The following COL2A1 variants were observed in gnomAD, a reference collection of about 807,000 sequenced individuals.
COL2A1 encodes collagen type II alpha 1 chain.
A neutral mutation model predicts 204.5 loss-of-function variants in COL2A1; 28 were observed. The observed-to-expected ratio is 0.14, with a 90% CI of 0.10 to 0.19. The LOEUF is 0.19. Among genes scored for constraint, COL2A1 ranks in the 10% least tolerant of loss-of-function variants. The pLI, the probability that COL2A1 is intolerant of heterozygous loss-of-function variation, is 1.00. For missense variants in COL2A1, 1,388 were observed against 2,027.5 expected, an observed-to-expected ratio of 0.68 and a Z score of 6.06; for synonymous variants, 708 against 718.7, an observed-to-expected ratio of 0.99 and a Z score of 0.24.
rs778126850 is a variant in COL2A1, at chr12:47,987,723, G to A, written c.1123-14C>T. The A allele has an allele frequency of 2.5e-6, 4 of 1,600,112 alleles. No homozygotes were observed. The highest frequency in any genetic ancestry group is 1.7e-5 in the Admixed American group (1 of 59,326). On this transcript the variant is annotated splice_polypyrimidine_tract_variant and intron_variant, in intron 18 of 53. Coordinates refer to ENST00000380518, the MANE Select transcript of COL2A1 (RefSeq NM_001844.5). The surrounding 1 kb of genome is among the most constrained non-coding windows in gnomAD (Gnocchi z 4.1). Reference sequence around the variant, plus strand: ...GCCGGCTTCACCCTGGGAAGAGACAGGGAGGATGAAATGAAGAAGAAGAGA... The same window carrying A: ...GCCGGCTTCACCCTGGGAAGAGACAAGGAGGATGAAATGAAGAAGAAGAGA...
rs1370410549 is a variant in COL2A1, at chr12:48,004,273, C to T, written c.49G>A (p.Val17Ile). The stretch of plus-strand genomic sequence containing the variant: ...CCCTGACACCGAAGGACAGCGGCGA[C>T]GAGCAGCGTCAGCAGCACCAGCGTC... ...PQTLVLLTLL[V>I]AAVLRCQGQD... Residue 17 changes from valine (V) to isoleucine (I), a missense_variant, in exon 1 of 54, where the codon GTC becomes ATC. Val to Ile is a conservative substitution (Grantham distance 29). Coordinates refer to ENST00000380518, the MANE Select transcript of COL2A1 (RefSeq NM_001844.5). The T allele has an allele frequency of 1.3e-6, 2 of 1,550,314 alleles. No homozygotes were observed. The highest frequency in any genetic ancestry group is 1.4e-5 in the African/African-American group (1 of 73,136).
In COL2A1 at chr12:47,980,185, C is replaced by G. The variant is rs1371098919; in HGVS notation, c.2626-123G>C. On this transcript the variant is annotated intron_variant, in intron 39 of 53. Coordinates refer to ENST00000380518, the MANE Select transcript of COL2A1 (RefSeq NM_001844.5). The surrounding 1 kb of genome is among the most constrained non-coding windows in gnomAD (Gnocchi z 4.5). ...ATGCAGCTTTCTTGGCACTAAAAAC[C>G]CAGCCTGAAGAGGCTGCCACAGGCA... 1 of 904,802 alleles carries G rather than the reference C, an allele frequency of 1.1e-6. No individual in the cohort carries two copies. Among genetic ancestry groups the G allele is most frequent in the South Asian group, 1.4e-5 (1 of 69,188 alleles). The allele number at this position is 904,802 out of a possible 1,614,324, so 56.0% of individuals were successfully genotyped here.
chr12:47,973,996 CT>C, intron 53 of COL2A1, 92 bp downstream of exon 53: 1 of 1,582,582 alleles, frequency 6.3e-7, no homozygotes, highest in Non-Finnish European at 8.7e-7. Flanking sequence ...GATCCTGTCA[CT>C]TTAGGACCTG....
At chr12:47,992,617 GGTT>G (rs1430309990) in intron 16 of COL2A1, among the ~76,000 whole-genome samples, 4 of 152,124 alleles carry the variant, frequency 2.6e-5, no homozygotes, top group African/African-American at 9.7e-5. Flanking sequence ...AGTGGGTGGT[GGTT>G]GTTGAAGGGA....
At chr12:47,981,512 G>T (rs577307047) in intron 36 of COL2A1, 116 bp from the exon 37 acceptor site, 156 of 994,468 alleles carry the variant, frequency 1.6e-4, no homozygotes, top group Non-Finnish European at 2.2e-4. Flanking sequence ...GGTCCCCCTG[G>T]CACAGCCTGT....
chr12:47,989,838 G>T, intron 16 of COL2A1, 33 bp from the exon 17 acceptor site: 1 of 1,606,740 alleles, frequency 6.2e-7, no homozygotes. Flanking sequence ...CATGAGAGGT[G>T]CCCACAGGCC....
At chr12:47,990,405 A>G (rs1178413380) in intron 16 of COL2A1, among the ~76,000 whole-genome samples, 1 of 152,250 alleles carries the variant, frequency 6.6e-6, no homozygotes, top group Non-Finnish European at 1.5e-5. Context: ...GATCATTTAA[A>G]GACTGAGAGA....
chr12:47,991,090 A>C (rs1285659825), intron 16 of COL2A1, among the ~76,000 whole-genome samples: 3 of 152,226 alleles, frequency 2.0e-5, no homozygotes, highest in African/African-American at 7.2e-5. Context: ...CTTAGAAAAA[A>C]TGTCAGCAGG....
At chr12:47,982,204 A>C in intron 34 of COL2A1, 44 bp from the exon 35 acceptor site, 1 of 1,571,400 alleles carries the variant, frequency 6.4e-7, no homozygotes, top group Non-Finnish European at 8.8e-7. Flanking sequence ...GCACCCCAGG[A>C]CCCCCATGGT....
At chr12:47,992,283 T>C (rs1333150684) in intron 16 of COL2A1, among the ~76,000 whole-genome samples, 1 of 152,138 alleles carries the variant, frequency 6.6e-6, no homozygotes, top group Non-Finnish European at 1.5e-5. Context: ...GCACTATTTA[T>C]CTTAAGCTAT....
chr12:47,984,923 C>A (rs1453494538), intron 27 of COL2A1, 72 bp downstream of exon 27: 4 of 1,307,028 alleles, frequency 3.1e-6, no homozygotes, highest in Non-Finnish European at 4.4e-6. Flanking sequence ...CAGGACCCAG[C>A]CCTTTCCCCA....
chr12:47,973,840 AAC>A (rs1200147904), intron 53 of COL2A1, among the ~76,000 whole-genome samples: 2 of 152,138 alleles, frequency 1.3e-5, no homozygotes, highest in African/African-American at 4.8e-5. Context: ...ACATTGCGAG[AAC>A]ACTTCTACAG....
rs377452716 is a variant in COL2A1, at chr12:47,998,220, A to C, written c.310-19T>G. The C allele has an allele frequency of 4.3e-6, 7 of 1,614,010 alleles. No homozygotes were observed. Among genetic ancestry groups the C allele is most frequent in the Non-Finnish European group, 5.9e-6 (7 of 1,180,034 alleles). ...TCTGTCCCTGAAACATGAAACATTC[A>C]CAGGATTAAGCCGAGTAAGCCCACT... On this transcript the variant is annotated intron_variant, in intron 3 of 53. Coordinates refer to ENST00000380518, the MANE Select transcript of COL2A1 (RefSeq NM_001844.5).
rs1171878681 is a variant in COL2A1, at chr12:47,989,756, C to T, written c.1068+5G>A. 1.9e-6 allele frequency: 3 copies of T among 1,613,512 alleles called. No individual in the cohort carries two copies. Among genetic ancestry groups the T allele is most frequent in the East Asian group, 2.2e-5 (1 of 44,876 alleles). ...AATGACCTGCTGAGGATGAAATGAA[C>T]TTACCGGAGGCCCTGCGGGGCCTGG... On this transcript the variant is annotated splice_donor_5th_base_variant and intron_variant, in intron 17 of 53. Transcript: ENST00000380518.
rs911435583 is a variant in COL2A1 at position 48,004,441 on chromosome 12, G to A, written c.-120C>T. On this transcript the variant is annotated 5_prime_UTR_variant, in exon 1 of 54. Coordinates refer to ENST00000380518, the MANE Select transcript of COL2A1 (RefSeq NM_001844.5). ...GCAGGAGGCCCTTGGAGCAGGAGGG[G>A]GAAGCGGGAGACCCGGCAGCCCAGC... 2 of 595,748 alleles carry A rather than the reference G, an allele frequency of 3.4e-6. No individual in the cohort carries two copies. The highest frequency in any genetic ancestry group is 6.0e-6 in the Non-Finnish European group (2 of 335,356). The allele number at this position is 595,748 out of a possible 1,614,324, so 36.9% of individuals were successfully genotyped here. A position where few individuals can be genotyped will look rare whatever the true frequency, so the allele number is the denominator to read the frequency against.
In COL2A1 at chr12:47,986,213, GGAGA is replaced by G. The variant is rs1939396992; in HGVS notation, c.1527+119_1527+122del. 1.0e-5 allele frequency: 8 copies of G among 785,490 alleles called. No individual in the cohort carries two copies. In the South Asian group the frequency reaches 1.2e-4, roughly 12 times the overall value. 48.7% of individuals were successfully genotyped at this position (785,490 alleles called of 1,614,324 possible). A position where few individuals can be genotyped will look rare whatever the true frequency, so the allele number is the denominator to read the frequency against. ...GACTCCCTCTCCCCGCGGTGTGGAT[GGAGA>G]AAGAGGAGGATGACATGCGGAAAAG... On this transcript the variant is annotated intron_variant, in intron 23 of 53. Transcript: ENST00000380518.
At chr12:47,983,625 C>T (rs1451134806) in intron 30 of COL2A1, 58 bp downstream of exon 30, 2 of 1,555,430 alleles carry the variant, frequency 1.3e-6, no homozygotes, top group South Asian at 1.2e-5. Context: ...CTGCTGCTGT[C>T]CCAGGGAGCC....
Position 47,985,905 on chromosome 12 carries a change from CA to C in COL2A1, c.1581+6del. The stretch of plus-strand genomic sequence containing the variant: ...GGAGGGACCCCAGCCCCTCTTCTCC[CA>C]CTCACCTTGGGACCTGCCAGACCAT... On this transcript the variant is annotated splice_donor_region_variant and intron_variant, in intron 24 of 53. Coordinates refer to ENST00000380518, the MANE Select transcript of COL2A1 (RefSeq NM_001844.5). 1 of 1,554,812 alleles carries C rather than the reference CA, an allele frequency of 6.4e-7. No homozygotes were observed. The highest frequency in any genetic ancestry group is 8.7e-7 in the Non-Finnish European group (1 of 1,148,562).
chr12:47,982,587 G>C lies in COL2A1; in HGVS notation c.2216C>G (p.Pro739Arg). ...ACCTGGAGGGCCCTGAGCCCCAGGG[G>C]GGCCTGCTGGGCCAGATGCACCCTG... is the stretch of plus-strand genomic sequence containing the variant. ...GPKGASGPAGPPGAQGPPGLQ... is the reference protein window; with the variant it reads ...GPKGASGPAGRPGAQGPPGLQ... The change falls in exon 34 of 54, where the codon CCC (proline) becomes CGC (arginine). Residue 739 changes from proline to arginine, a missense_variant. By Grantham distance (103) the Pro-to-Arg change is moderately radical. Around this residue, in one of 3 missense-constraint regions of COL2A1, gnomAD observed 884 missense variants for 1,415.8 expected, o/e 0.62. Coordinates refer to ENST00000380518, the MANE Select transcript of COL2A1 (RefSeq NM_001844.5). The C allele has an allele frequency of 2.5e-6, 4 of 1,613,152 alleles. No homozygotes were observed. Among genetic ancestry groups the C allele is most frequent in the East Asian group, 4.5e-5 (2 of 44,868 alleles).
Sources: allele counts gnomAD v4.1 joint callset (sites outside exome capture counted in the v4.1 genomes callset), GRCh38; gene constraint gnomAD v4.1.1; regional missense constraint gnomAD v4.1.1; non-coding constraint Gnocchi (gnomAD v3.1); transcripts MANE v1.5; gene names NCBI Gene and HGNC (gene_info 2026-07-23, HGNC 2026-07-21).